Variants in PTPRD observed in about 807,000 individuals in gnomAD.
PTPRD encodes receptor-type tyrosine-protein phosphatase delta.
Under a neutral mutation model 214.5 loss-of-function variants are expected in PTPRD, and 34 were observed. The ratio of observed to expected loss-of-function variants is 0.16; its 90% CI spans 0.12 to 0.21. PTPRD has a LOEUF of 0.21. PTPRD is among the 10% of genes least tolerant of loss of function. The pLI, the probability that PTPRD is intolerant of heterozygous loss-of-function variation, is 1.00. For synonymous variants in PTPRD, 1,128 were observed against 845.7 expected, an observed-to-expected ratio of 1.33 and a Z score of -5.79; for missense variants, 2,545 against 2,398.7, an observed-to-expected ratio of 1.06 and a Z score of -1.27.
intron 3 of PTPRD, among the ~76,000 whole-genome samples, chr9:10,261,409 AT>A (rs1204024351): frequency 1.3e-5 from 2 of 152,120 alleles, no homozygotes; most frequent in Non-Finnish European, 2.9e-5. Context: ...GTGGAGTTCA[AT>A]TGAAATTAGG....
chr9:8,921,543 G>C (rs951040784), intron 11 of PTPRD, among the ~76,000 whole-genome samples: 8 of 151,816 alleles, frequency 5.3e-5, no homozygotes, highest in Non-Finnish European at 1.0e-4. Flanking sequence ...GCCCAGGCTG[G>C]AGTGCTGTGG....
At chr9:9,379,056 G>C (rs898997638) in intron 9 of PTPRD, among the ~76,000 whole-genome samples, 6 of 151,246 alleles carry the variant, frequency 4.0e-5, no homozygotes, top group African/African-American at 1.5e-4. Context: ...AGTCTTTGGT[G>C]TTATAATTAA....
At chr9:10,541,850 A>T (rs1335432295) in intron 2 of PTPRD, among the ~76,000 whole-genome samples, 1 of 152,088 alleles carries the variant, frequency 6.6e-6, no homozygotes, top group Non-Finnish European at 1.5e-5. Context: ...ATAACAAATG[A>T]GATTTTTACC....
chr9:8,789,452 A>G (rs1187655354), intron 11 of PTPRD, among the ~76,000 whole-genome samples: 1 of 152,172 alleles, frequency 6.6e-6, no homozygotes, highest in East Asian at 1.9e-4. Context: ...GTATGAATTG[A>G]TGTACACATA....
At chr9:8,977,646 C>T (rs142191376) in intron 11 of PTPRD, among the ~76,000 whole-genome samples, 1 of 148,892 alleles carries the variant, frequency 6.7e-6, no homozygotes, top group East Asian at 2.0e-4. Flanking sequence ...TTTATCTATA[C>T]TATTCTGTAA....
At chr9:10,009,705 C>T (rs1457915601) in intron 4 of PTPRD, among the ~76,000 whole-genome samples, 6 of 152,008 alleles carry the variant, frequency 3.9e-5, no homozygotes, top group South Asian at 2.1e-4. Context: ...AGGGGATTTA[C>T]GGAATGAAAG....
At chr9:8,514,224 G>C (rs903322947) in intron 21 of PTPRD, among the ~76,000 whole-genome samples, 1 of 152,072 alleles carries the variant, frequency 6.6e-6, no homozygotes, top group African/African-American at 2.4e-5. Context: ...TTTTTCAATA[G>C]ATTACGACTG....
At chr9:9,127,589 T>A (rs2154472003) in intron 10 of PTPRD, among the ~76,000 whole-genome samples, 1 of 152,228 alleles carries the variant, frequency 6.6e-6, no homozygotes, top group African/African-American at 2.4e-5. Context: ...TAAAGACTAG[T>A]CCAAAGTTCT....
At chr9:10,101,852 T>C (rs765529750) in intron 3 of PTPRD, among the ~76,000 whole-genome samples, 1 of 151,630 alleles carries the variant, frequency 6.6e-6, no homozygotes, top group Non-Finnish European at 1.5e-5. Flanking sequence ...TGCAAATCCA[T>C]TCTGGGGACA....
At chr9:10,491,611 T>C (rs1465565152) in intron 2 of PTPRD, among the ~76,000 whole-genome samples, 1 of 151,896 alleles carries the variant, frequency 6.6e-6, no homozygotes, top group East Asian at 1.9e-4. Context: ...GATTTACAAC[T>C]AGATAAAAAA....
chr9:8,488,604 C>T (rs747581812), intron 27 of PTPRD, among the ~76,000 whole-genome samples: 2 of 152,226 alleles, frequency 1.3e-5, no homozygotes, highest in Admixed American at 6.5e-5. Context: ...GAACACCACC[C>T]ATCCATAAGT....
chr9:9,797,987 T>A (rs1033459174), intron 5 of PTPRD, among the ~76,000 whole-genome samples: 1 of 152,148 alleles, frequency 6.6e-6, no homozygotes, highest in African/African-American at 2.4e-5. Context: ...ATGTTCTTGA[T>A]CATATTAGAG....
chr9:10,126,434 C>T (rs202182040), intron 3 of PTPRD, among the ~76,000 whole-genome samples: 17,560 of 131,906 alleles, frequency 0.13, 1,131 homozygotes, highest in South Asian at 0.3. Flanking sequence ...TATACACACA[C>T]ACACACACAC....
At chr9:9,195,732 TG>T (rs2099938190) in intron 9 of PTPRD, among the ~76,000 whole-genome samples, 2 of 137,868 alleles carry the variant, frequency 1.5e-5, no homozygotes, top group East Asian at 4.7e-4. Context: ...AAAAAAAAAG[TG>T]TATACAAAGA....
chr9:10,577,930 TTGA>T (rs959670782), intron 2 of PTPRD, among the ~76,000 whole-genome samples: 10 of 110,164 alleles, frequency 9.1e-5, no homozygotes, highest in Admixed American at 4.4e-4. Context: ...TTTTTTTTTT[TTGA>T]GACAGAGTCT....
intron 5 of PTPRD, among the ~76,000 whole-genome samples, chr9:9,786,984 A>G (rs141562692): frequency 4.6e-5 from 7 of 152,040 alleles, no homozygotes; most frequent in Admixed American, 4.6e-4. Context: ...AAAGATTCAA[A>G]AAAATTAGCT....
intron 8 of PTPRD, among the ~76,000 whole-genome samples, chr9:9,452,722 A>C (rs754885207): frequency 6.6e-6 from 1 of 151,324 alleles, no homozygotes; most frequent in Non-Finnish European, 1.5e-5. Context: ...GTCAATTATC[A>C]GATATATCAC....
At chr9:9,180,286 T>A (rs1447863805) in intron 10 of PTPRD, among the ~76,000 whole-genome samples, 1 of 151,968 alleles carries the variant, frequency 6.6e-6, no homozygotes, top group African/African-American at 2.4e-5. Flanking sequence ...GATGAGTTCA[T>A]GTCTTTTGCA....
intron 5 of PTPRD, among the ~76,000 whole-genome samples, chr9:9,936,924 A>G (rs913461086): frequency 1.2e-4 from 18 of 147,848 alleles, no homozygotes; most frequent in African/African-American, 4.6e-4. Flanking sequence ...TGTCCTTTGT[A>G]GGGACATGGA....
Sources: gnomAD v4.1 joint callset for allele counts (sites outside exome capture counted in the v4.1 genomes callset) on GRCh38, gnomAD v4.1.1 for gene constraint, MANE v1.5 for transcripts, NCBI Gene and HGNC (gene_info 2026-07-23, HGNC 2026-07-21) for gene names.